TRPV4: variants seen among roughly 807,000 people sequenced by gnomAD.
The protein encoded by TRPV4 is transient receptor potential cation channel subfamily V member 4, also known as OSM9-like transient receptor potential channel 4.
TRPV4 carries 58 observed loss-of-function variants against 84.1 expected under a neutral mutation model. That is an observed-to-expected ratio of 0.69 (90% CI 0.56 to 0.86). The LOEUF is 0.86. Ranked by LOEUF, TRPV4 falls within the 40% of genes least tolerant of loss-of-function variation. TRPV4 has a pLI of 0.00. For missense variants in TRPV4, 879 were observed against 1,181.1 expected (o/e 0.74, Z 3.75); for synonymous variants, 489 against 500.9 (o/e 0.98, Z 0.32).
chr12:109,803,564 C>T (rs1454377956), intron 3 of TRPV4, among the ~76,000 whole-genome samples: 2 of 152,116 alleles, frequency 1.3e-5, no homozygotes, highest in Admixed American at 1.3e-4. Context: ...GATCCTCCCA[C>T]CTCAGCCTCC....
chr12:109,821,911 C>CTGTG (rs1209802566), intron 1 of TRPV4, among the ~76,000 whole-genome samples: 47 of 152,272 alleles, frequency 3.1e-4, no homozygotes, highest in African/African-American at 1.1e-3. Flanking sequence ...TTCGTGTCCC[C>CTGTG]TGTGTCCCCA....
At chr12:109,784,737 G>A (rs1468065087) in intron 14 of TRPV4, among the ~76,000 whole-genome samples, 7 of 150,422 alleles carry the variant, frequency 4.7e-5, no homozygotes, top group Admixed American at 4.0e-4. Flanking sequence ...CCAGTGACCC[G>A]AGAGGCTGAG....
At chr12:109,801,656 C>T (rs761390694) in intron 4 of TRPV4, among the ~76,000 whole-genome samples, 3 of 151,982 alleles carry the variant, frequency 2.0e-5, no homozygotes, top group African/African-American at 7.3e-5. Flanking sequence ...ATAGTGAGAC[C>T]CTGTCTCTAC....
chr12:109,807,428 T>C (rs1592852207), intron 3 of TRPV4, among the ~76,000 whole-genome samples: 1 of 146,442 alleles, frequency 6.8e-6, no homozygotes, highest in Admixed American at 6.8e-5. Flanking sequence ...TCACCCAGGC[T>C]GGAGTGCAGT....
chr12:109,816,456 G>C (rs1891846726), intron 1 of TRPV4, among the ~76,000 whole-genome samples: 1 of 152,210 alleles, frequency 6.6e-6, no homozygotes, highest in African/African-American at 2.4e-5. Flanking sequence ...AGTGAGGTCA[G>C]ATATATCCAG....
rs1208568697 is a variant in TRPV4, at chr12:109,814,078, G to A, written c.386+333C>T. Among the ~76,000 whole-genome samples, 1 of 151,822 alleles carries A rather than the reference G, an allele frequency of 6.6e-6. No homozygotes were observed. The highest frequency in any genetic ancestry group is 2.4e-5 in the African/African-American group (1 of 41,268). On this transcript the variant is annotated intron_variant, in intron 2 of 15. Coordinates refer to ENST00000261740, the MANE Select transcript of TRPV4 (RefSeq NM_021625.5). This position sits in a 1 kb window ranked among gnomAD's most constrained non-coding sequence, Gnocchi z 5.4. ...ATGATATATGGATGGATGATATATGGATGGAGAGATGAATGGATCGATGGA... is the reference window on the plus strand; with the variant it reads ...ATGATATATGGATGGATGATATATGAATGGAGAGATGAATGGATCGATGGA...
rs959564140 is a variant in TRPV4 at position 109,814,709 on chromosome 12, C to T, written c.88G>A (p.Ala30Thr). 6.2e-7 allele frequency: 1 copy of T among 1,606,408 alleles called. No homozygotes were observed. The highest frequency in any genetic ancestry group is 8.5e-7 in the Non-Finnish European group (1 of 1,177,132). The part of the protein sequence containing the change: ...GDESGTPGGE[A>T]FPLSSLANLF... ...TTGGCCAGGGAGGAGAGAGGAAAAG[C>T]CTCCCCACCTGGGGTGCCACTCTCA... Residue 30 changes from alanine to threonine, a missense_variant, in exon 2 of 16, where the codon GCT becomes ACT. By Grantham distance (58) the Ala-to-Thr change is moderately conservative (BLOSUM62 0). Transcript: ENST00000261740. This position sits in a 1 kb window ranked among gnomAD's most constrained non-coding sequence, Gnocchi z 5.4.
At position 109,786,709 on chromosome 12, in the gene TRPV4, C is replaced by T. The variant is rs771778984; in HGVS notation, c.2336+1G>A. 1.4e-5 allele frequency: 23 copies of T among 1,613,622 alleles called. No homozygotes were observed. The highest frequency in any genetic ancestry group is 1.9e-5 in the Non-Finnish European group (22 of 1,180,032). ...TCCTGGCCCCACTGCCCCAGCCTCA[C>T]CTGAAGCACCACCTGCGGTCAGGAG... On this transcript the variant is annotated splice_donor_variant, in intron 14 of 15. Coordinates refer to ENST00000261740, the MANE Select transcript of TRPV4 (RefSeq NM_021625.5). LOFTEE classifies it high-confidence loss of function. The surrounding 1 kb of genome is among the most constrained non-coding windows in gnomAD (Gnocchi z 4.5).
Position 109,796,473 on chromosome 12 carries a change from T to C in TRPV4, c.1332+52A>G. Reference sequence around the variant, plus strand: ...CCCAGCCCCAGGGCCCTGTCCCTACTCCCAGCCCTGCCCCTCCTTCCTCAC... The same window carrying C: ...CCCAGCCCCAGGGCCCTGTCCCTACCCCCAGCCCTGCCCCTCCTTCCTCAC... On this transcript the variant is annotated intron_variant, in intron 7 of 15. Coordinates refer to ENST00000261740, the MANE Select transcript of TRPV4 (RefSeq NM_021625.5). The surrounding 1 kb of genome is among the most constrained non-coding windows in gnomAD (Gnocchi z 4.2). 6.2e-7 allele frequency: 1 copy of C among 1,600,970 alleles called. No individual in the cohort carries two copies. The highest frequency in any genetic ancestry group is 1.1e-5 in the South Asian group (1 of 90,184).
intron 1 of TRPV4, among the ~76,000 whole-genome samples, chr12:109,827,784 A>G (rs1892304547): frequency 1.1e-5 from 1 of 94,360 alleles, no homozygotes. Flanking sequence ...ATACACAAAC[A>G]TACACATAAA....
intron 3 of TRPV4, among the ~76,000 whole-genome samples, chr12:109,803,432 T>C (rs1024033390): frequency 2.0e-5 from 3 of 152,168 alleles, no homozygotes; most frequent in African/African-American, 4.8e-5. Flanking sequence ...GGGAAGATTT[T>C]GTATTTATTT....
At position 109,783,669 on chromosome 12, in the gene TRPV4, G is replaced by A. The variant is rs2136412290; in HGVS notation, c.2568C>T (p.His856=). 1 of 1,613,934 alleles carries A rather than the reference G, an allele frequency of 6.2e-7. No individual in the cohort carries two copies. Among genetic ancestry groups the A allele is most frequent in the Non-Finnish European group, 8.5e-7 (1 of 1,180,018 alleles). Residue 856 remains histidine, a synonymous_variant, in exon 16 of 16, where the codon CAC becomes CAT. Coordinates refer to ENST00000261740, the MANE Select transcript of TRPV4 (RefSeq NM_021625.5). The surrounding 1 kb of genome is among the most constrained non-coding windows in gnomAD (Gnocchi z 4.6). ...TCCACTTGCGGGGGTAACCCTGCTG[G>A]TGGCCATCGCAGCGGGGGTTCCCCA... ...DSMGNPRCDG[H]QQGYPRKWRT...
Position 109,803,153 on chromosome 12 carries a change from G to T in TRPV4, c.560-10C>A, listed in dbSNP as rs1890919371. On this transcript the variant is annotated splice_polypyrimidine_tract_variant and intron_variant, in intron 3 of 15. Transcript: ENST00000261740. ...TTCCCCGTAGATGGCTCTAGCAAGA[G>T]AGACACACAAGATGACGCAGTGCTC... 6.2e-7 allele frequency: 1 copy of T among 1,613,774 alleles called. No individual in the cohort carries two copies. The highest frequency in any genetic ancestry group is 8.5e-7 in the Non-Finnish European group (1 of 1,180,020).
At position 109,796,506 on chromosome 12, in the gene TRPV4, G is replaced by A; in HGVS notation, c.1332+19C>T. The A allele has an allele frequency of 6.2e-7, 1 of 1,613,224 alleles. No individual in the cohort carries two copies. The highest frequency in any genetic ancestry group is 1.1e-5 in the South Asian group (1 of 91,024). On this transcript the variant is annotated intron_variant, in intron 7 of 15. Transcript: ENST00000261740. The surrounding 1 kb of genome is among the most constrained non-coding windows in gnomAD (Gnocchi z 4.2). ...CTGCCCCTCCTTCCTCACACCCCAT[G>A]CCCCCTCCTGGAGCCCACCTCAATC...
chr12:109,792,397 G>T lies in TRPV4; in HGVS notation c.1857C>A (p.Leu619=), dbSNP rs781048658. The T allele has an allele frequency of 8.7e-6, 14 of 1,613,892 alleles. No individual in the cohort carries two copies. Among genetic ancestry groups the T allele is most frequent in the Non-Finnish European group, 1.2e-5 (14 of 1,180,004 alleles). ...ILFKDLFRFL[L]VYLLFMIGYA... ...AGCCGATCATGAAGAGCAAGTAGAC[G>T]AGCAGGAATCGGAAAAGGTCCTTGA... is the stretch of plus-strand genomic sequence containing the variant. The change falls in exon 12 of 16, where the codon CTC becomes CTA. Residue 619 remains leucine (L), a synonymous_variant. Coordinates refer to ENST00000261740, the MANE Select transcript of TRPV4 (RefSeq NM_021625.5).
At chr12:109,824,735 G>A (rs186223840) in intron 1 of TRPV4, among the ~76,000 whole-genome samples, 44 of 146,638 alleles carry the variant, frequency 3.0e-4, no homozygotes, top group African/African-American at 9.8e-4. Flanking sequence ...CAGCGGGGGC[G>A]ACAAGAGCGA....
chr12:109,784,860 C>CGT (rs58584964), intron 14 of TRPV4, among the ~76,000 whole-genome samples: 29,090 of 123,444 alleles, frequency 0.24, 4,097 homozygotes, highest in African/African-American at 0.41. Flanking sequence ...AAAAAAAAGA[C>CGT]GTGTGTGTGT....
intron 1 of TRPV4, among the ~76,000 whole-genome samples, chr12:109,831,494 C>A (rs1024543423): frequency 6.6e-6 from 1 of 152,262 alleles, no homozygotes; most frequent in East Asian, 1.9e-4. Context: ...TGCCTTCACA[C>A]GCCTCAGGCT....
intron 6 of TRPV4, among the ~76,000 whole-genome samples, chr12:109,797,103 G>A (rs188721250): frequency 1.1e-4 from 16 of 152,234 alleles, no homozygotes; most frequent in Non-Finnish European, 1.9e-4. Context: ...ACAGGGAAGC[G>A]GAGGCACAGA....
Sources: gnomAD v4.1 joint callset for allele counts (sites outside exome capture counted in the v4.1 genomes callset) on GRCh38, gnomAD v4.1.1 for gene constraint, Gnocchi (gnomAD v3.1) non-coding constraint, MANE v1.5 for transcripts, NCBI Gene and HGNC (gene_info 2026-07-23, HGNC 2026-07-21) for gene names.